Variants in BAIAP3 observed in about 807,000 individuals in gnomAD.
BAIAP3 encodes BAI1-associated protein 3.
BAIAP3 carries 180 observed loss-of-function variants against 149.7 expected under a neutral mutation model. That is an observed-to-expected ratio of 1.20 (90% CI 1.07 to 1.36). The LOEUF (loss-of-function observed/expected upper bound fraction) is 1.36, where lower values mean the gene tolerates loss of function less well. Among genes scored for constraint, BAIAP3 ranks in the 40% most tolerant of loss-of-function variants. BAIAP3 has a pLI of 0.00. For synonymous variants in BAIAP3, 845 were observed against 670.7 expected (o/e 1.26, Z -4.02); for missense variants, 1,767 against 1,563.4 (o/e 1.13, Z -2.20).
chr16:1,340,220 A>ATG, intron 5 of BAIAP3, among the ~76,000 whole-genome samples: 2 of 133,004 alleles, frequency 1.5e-5, no homozygotes, highest in African/African-American at 2.9e-5. Flanking sequence ...GTGCACACAG[A>ATG]CACACACACA....
Position 1,340,813 on chromosome 16 carries a change from G to A in BAIAP3, c.409-109G>A. ...AGGCTTCCCCCAACCCTGCACCCGT[G>A]AGGACTGAGGTTGGGTGTCTGTGAC... On this transcript the variant is annotated intron_variant, in intron 5 of 33. Coordinates refer to ENST00000426824, the MANE Select transcript of BAIAP3 (RefSeq NM_001199097.2). 3.3e-6 allele frequency: 4 copies of A among 1,198,222 alleles called. No individual in the cohort carries two copies. In the South Asian group the frequency reaches 5.3e-5, roughly 16 times the overall value. The allele number at this position is 1,198,222 out of a possible 1,614,324, so 74.2% of individuals were successfully genotyped here. A position where few individuals can be genotyped will look rare whatever the true frequency, so the allele number is the denominator to read the frequency against.
intron 24 of BAIAP3, 28 bp downstream of exon 24, chr16:1,346,106 G>A (rs764641535): frequency 2.1e-5 from 33 of 1,605,010 alleles, no homozygotes; most frequent in African/African-American, 8.0e-5. Flanking sequence ...GAGGGGAGCC[G>A]GCAGGAGGTG....
Position 1,346,232 on chromosome 16 carries a change from C to A in BAIAP3, c.2364C>A (p.Gly788=), listed in dbSNP as rs751821224. The A allele has an allele frequency of 3.7e-6, 6 of 1,612,002 alleles. No individual in the cohort carries two copies. The African/African-American group carries it at 8.0e-5, about 22-fold the overall frequency. Residue 788 remains glycine (G), a synonymous_variant, in exon 25 of 34, where the codon GGC becomes GGA. Coordinates refer to ENST00000426824, the MANE Select transcript of BAIAP3 (RefSeq NM_001199097.2). ...AGGCTGCTGGGCAGGCCTTGAAGGG[C>A]CTGGCATGGCCAGAGGGGGCCACGG... is the stretch of plus-strand genomic sequence containing the variant. ...VRKAAGQALK[G]LAWPEGATGP...
Position 1,344,110 on chromosome 16 carries a change from A to C in BAIAP3, c.1475A>C (p.Asn492Thr). 6.2e-7 allele frequency: 1 copy of C among 1,611,922 alleles called. No individual in the cohort carries two copies. The highest frequency in any genetic ancestry group is 1.3e-5 in the African/African-American group (1 of 74,990). ...CTCCGAGACTACTTCCCTGCCACCA[A>C]CAGCACCGCTGTCCACCGCCTGGAG... is the stretch of plus-strand genomic sequence containing the variant. ...RQLRDYFPAT[N>T]STAVHRLELL... The change falls in exon 16 of 34, where the codon AAC (asparagine) becomes ACC (threonine). Residue 492 changes from asparagine to threonine, a missense_variant. Physicochemically the swap from Asn to Thr is moderately conservative, Grantham distance 65. Coordinates refer to ENST00000426824, the MANE Select transcript of BAIAP3 (RefSeq NM_001199097.2).
intron 14 of BAIAP3, 73 bp downstream of exon 14, chr16:1,343,089 G>T: frequency 7.1e-7 from 1 of 1,415,842 alleles, no homozygotes; most frequent in Non-Finnish European, 9.7e-7. Context: ...GGGGCCATGC[G>T]GTGAGTGGAT....
In BAIAP3 at chr16:1,348,135, T is replaced by C; in HGVS notation, c.3189T>C (p.Cys1063=). Residue 1063 remains cysteine (C), a synonymous_variant, in exon 33 of 34, where the codon TGT becomes TGC. Transcript: ENST00000426824. ...PAEACRRRAA[C]VLFTVMDHDW... ...AGGCGTGCCGCCGCCGCGCGGCCTG[T>C]GTGTTGTTCACCGTCATGGACCACG... 5 of 1,606,834 alleles carry C rather than the reference T, an allele frequency of 3.1e-6. No homozygotes were observed. Among genetic ancestry groups the C allele is most frequent in the Non-Finnish European group, 4.2e-6 (5 of 1,179,716 alleles).
At position 1,346,882 on chromosome 16, in the gene BAIAP3, C is replaced by G; in HGVS notation, c.2678C>G (p.Ala893Gly). ...LEALWELLLQ[A>G]ILQALGANRD... ...GCCCTGTGGGAGCTACTCCTCCAGG[C>G]CATTCTGCAGGCGCTGGGTGCAAAC... is the stretch of plus-strand genomic sequence containing the variant. Residue 893 changes from alanine to glycine, a missense_variant, in exon 28 of 34, where the codon GCC (alanine) becomes GGC (glycine). By Grantham distance (60) the Ala-to-Gly change is moderately conservative. Transcript: ENST00000426824. 1.2e-6 allele frequency: 2 copies of G among 1,609,208 alleles called. No homozygotes were observed. Among genetic ancestry groups the G allele is most frequent in the Non-Finnish European group, 1.7e-6 (2 of 1,179,012 alleles).
At chr16:1,334,690 CG>C in intron 1 of BAIAP3, 1 of 1,554,606 alleles carries the variant, frequency 6.4e-7, no homozygotes, top group African/African-American at 1.4e-5. Context: ...GCGTTTGCAG[CG>C]GGCCCGCCAG....
intron 1 of BAIAP3, chr16:1,336,162 G>A: frequency 2.1e-6 from 2 of 972,872 alleles, no homozygotes; most frequent in Non-Finnish European, 2.4e-6. Context: ...TGCCGCGGCG[G>A]TTGCCCTGGC....
At chr16:1,334,076 C>T (rs1203030832) in intron 1 of BAIAP3, among the ~76,000 whole-genome samples, 9 of 151,954 alleles carry the variant, frequency 5.9e-5, no homozygotes, top group Admixed American at 3.3e-4. Context: ...GCACTTGAGC[C>T]GCCAAGCGAG....
Position 1,345,248 on chromosome 16 carries a change from G to C in BAIAP3, c.1941-1G>C. On this transcript the variant is annotated splice_acceptor_variant, in intron 21 of 33. Transcript: ENST00000426824. LOFTEE classifies it high-confidence loss of function. ...GAGCCCTCACAACCCTCCCACCACA[G>C]GGACAGCCGCTCTCTGGCCCTGGCT... is the stretch of plus-strand genomic sequence containing the variant. 1.2e-6 allele frequency: 2 copies of C among 1,612,742 alleles called. No homozygotes were observed. Among genetic ancestry groups the C allele is most frequent in the Non-Finnish European group, 8.5e-7 (1 of 1,179,786 alleles).
In BAIAP3 at chr16:1,341,882, C is replaced by T; in HGVS notation, c.776+16C>T. 6.2e-7 allele frequency: 1 copy of T among 1,609,162 alleles called. No individual in the cohort carries two copies. The highest frequency in any genetic ancestry group is 8.5e-7 in the Non-Finnish European group (1 of 1,178,646). On this transcript the variant is annotated intron_variant, in intron 9 of 33. Transcript: ENST00000426824. ...TGGACATCTGGTACAGGCCCCTGCG[C>T]CATGCAGGGCGGCGGGGATGCACAC...
At position 1,342,017 on chromosome 16, in the gene BAIAP3, G is replaced by A; in HGVS notation, c.808G>A (p.Ala270Thr). 1.2e-6 allele frequency: 2 copies of A among 1,606,846 alleles called. No homozygotes were observed. The highest frequency in any genetic ancestry group is 1.7e-6 in the Non-Finnish European group (2 of 1,176,768). ...DHDDDVSLVEACRKLNEVIGL... is the reference protein window; with the variant it reads ...DHDDDVSLVETCRKLNEVIGL... ...TGACGACGATGTATCCCTGGTAGAA[G>A]CGTGCAGGAAGCTGAATGAAGTCAT... Residue 270 changes from alanine to threonine, a missense_variant, in exon 10 of 34, where the codon GCG (alanine) becomes ACG (threonine). Transcript: ENST00000426824.
rs2141621722 is a variant in BAIAP3, at chr16:1,348,220, G to T, written c.3274G>T (p.Gly1092Cys). 1.9e-6 allele frequency: 3 copies of T among 1,607,748 alleles called. No individual in the cohort carries two copies. The highest frequency in any genetic ancestry group is 2.2e-5 in the South Asian group (2 of 90,866). The stretch of plus-strand genomic sequence containing the variant: ...GGCCCTCGGCCTAGGTGGCGTCACT[G>T]GTGTCGCCCGGCCCCAGGTGGGCGG... ...EAALGLGGVT[G>C]VARPQVGGGA... Residue 1092 changes from glycine to cysteine, a missense_variant, in exon 33 of 34, where the codon GGT (glycine) becomes TGT (cysteine). Gly to Cys is a radical substitution (Grantham distance 159). Transcript: ENST00000426824.
rs750982763 is a variant in BAIAP3, at chr16:1,344,016, C to A, written c.1387-6C>A. 7.4e-6 allele frequency: 12 copies of A among 1,611,944 alleles called. No homozygotes were observed. The highest frequency in any genetic ancestry group is 1.0e-5 in the Non-Finnish European group (12 of 1,179,888). On this transcript the variant is annotated splice_region_variant and splice_polypyrimidine_tract_variant and intron_variant, in intron 15 of 33. Transcript: ENST00000426824. ...CTGCTGGCACTGAAGGGCCCTGTCC[C>A]CACAGGAGGAGAGCCTGGCTGATAG...
chr16:1,345,934 G>T, intron 23 of BAIAP3, 44 bp downstream of exon 23: 1 of 1,584,140 alleles, frequency 6.3e-7, no homozygotes, highest in Middle Eastern at 1.7e-4. Context: ...GGTGGGAGAG[G>T]AGATGGGGCA....
chr16:1,336,100 G>A (rs957923119), intron 1 of BAIAP3: 4 of 550,398 alleles, frequency 7.3e-6, no homozygotes, highest in African/African-American at 2.0e-5. Flanking sequence ...TGGCTCCTGC[G>A]TCACATTTGT....
intron 4 of BAIAP3, 73 bp downstream of exon 4, chr16:1,339,317 T>G (rs1438809429): frequency 6.5e-7 from 1 of 1,533,742 alleles, no homozygotes. Context: ...AGGCACCTAC[T>G]GTGTGCACAG....
intron 1 of BAIAP3, chr16:1,336,435 TG>T: frequency 1.0e-6 from 1 of 973,574 alleles, no homozygotes; most frequent in Non-Finnish European, 1.2e-6. Flanking sequence ...TCTCACAGGG[TG>T]GGAGACGCAA....
Sources: gnomAD v4.1 joint callset for allele counts (sites outside exome capture counted in the v4.1 genomes callset) on GRCh38, gnomAD v4.1.1 for gene constraint, MANE v1.5 for transcripts, NCBI Gene and HGNC (gene_info 2026-07-23, HGNC 2026-07-21) for gene names.